The following PKIG variants were observed in gnomAD, a reference collection of about 807,000 sequenced individuals.
PKIG encodes the protein cAMP-dependent protein kinase inhibitor gamma, also known as protein kinase (cAMP-dependent, catalytic) inhibitor gamma.
PKIG carries 1 observed loss-of-function variant against 6.8 expected under a neutral mutation model. The ratio of observed to expected loss-of-function variants is 0.15; its 90% confidence interval spans 0.05 to 0.69. The LOEUF (loss-of-function observed/expected upper bound fraction) is 0.69, where lower values mean the gene tolerates loss of function less well. Among genes scored for constraint, PKIG ranks in the 30% least tolerant of loss-of-function variants. The pLI is 0.82. For synonymous variants in PKIG, 39 were observed against 43.0 expected (o/e 0.91, Z 0.36); for missense variants, 77 against 104.0 (o/e 0.74, Z 1.13).
At chr20:44,586,512 A>G (rs2123365068) in intron 1 of PKIG, among the ~76,000 whole-genome samples, 1 of 152,230 alleles carries the variant, frequency 6.6e-6, no homozygotes, top group East Asian at 1.9e-4. Context: ...TGCTGAGGCC[A>G]AAAGCAGAAG....
intron 1 of PKIG, among the ~76,000 whole-genome samples, chr20:44,569,493 G>T (rs534625626): frequency 1.3e-5 from 2 of 152,086 alleles, no homozygotes; most frequent in South Asian, 4.1e-4. Flanking sequence ...TTCTGAAAGC[G>T]GTTTGTTTTT....
At chr20:44,604,675 G>A (rs1451690690) in intron 2 of PKIG, among the ~76,000 whole-genome samples, 6 of 152,126 alleles carry the variant, frequency 3.9e-5, no homozygotes, top group African/African-American at 1.4e-4. Context: ...TGTGTGGAAG[G>A]CACTTACCTT....
At chr20:44,555,327 C>G (rs2064703835) in intron 1 of PKIG, among the ~76,000 whole-genome samples, 1 of 152,184 alleles carries the variant, frequency 6.6e-6, no homozygotes, top group Admixed American at 6.5e-5. Flanking sequence ...AGTGTACTGT[C>G]AAAACACTGA....
chr20:44,544,925 C>CTTTTTTTTTTTTTTTTTTTTTTTTTTTT (rs796482642), intron 1 of PKIG, among the ~76,000 whole-genome samples: 3 of 64,388 alleles, frequency 4.7e-5, no homozygotes, highest in Admixed American at 1.8e-4. Context: ...TTCCTTCTTT[C>CTTTTTTTTTTTTTTTTTTTTTTTTTTTT]TTTTTTTTTT....
intron 2 of PKIG, among the ~76,000 whole-genome samples, chr20:44,606,037 A>G (rs950316191): frequency 6.6e-6 from 1 of 152,366 alleles, no homozygotes; most frequent in Middle Eastern, 3.4e-3. Context: ...ACTAATGAAT[A>G]TAAAAATATG....
chr20:44,604,100 C>T (rs1237923628), intron 2 of PKIG, among the ~76,000 whole-genome samples: 1 of 152,024 alleles, frequency 6.6e-6, no homozygotes, highest in Non-Finnish European at 1.5e-5. Flanking sequence ...TTGTAGTAGA[C>T]TGGATAGAGA....
chr20:44,589,292 G>C (rs984341244), intron 1 of PKIG, among the ~76,000 whole-genome samples: 3 of 152,126 alleles, frequency 2.0e-5, no homozygotes, highest in African/African-American at 7.2e-5. Context: ...AGCTATGATT[G>C]CACCAGTACA....
At chr20:44,615,238 G>T (rs908943911) in intron 3 of PKIG, among the ~76,000 whole-genome samples, 9 of 152,008 alleles carry the variant, frequency 5.9e-5, no homozygotes, top group African/African-American at 2.2e-4. Context: ...AGTCTCACCC[G>T]GTGCCACTCC....
intron 2 of PKIG, among the ~76,000 whole-genome samples, chr20:44,604,427 G>T (rs2065146968): frequency 6.6e-6 from 1 of 152,222 alleles, no homozygotes; most frequent in African/African-American, 2.4e-5. Context: ...GAAATGAATG[G>T]AAGATGATGT....
chr20:44,607,049 A>G (rs997142872), intron 2 of PKIG, among the ~76,000 whole-genome samples: 22 of 152,242 alleles, frequency 1.4e-4, no homozygotes, highest in African/African-American at 5.3e-4. Context: ...ACTGAGAGAC[A>G]GGAACTAACT....
intron 1 of PKIG, among the ~76,000 whole-genome samples, chr20:44,535,418 A>G (rs2064503609): frequency 6.6e-6 from 1 of 152,236 alleles, no homozygotes; most frequent in South Asian, 2.1e-4. Context: ...AGGCGGGCAG[A>G]TTATCTGAGG....
chr20:44,532,964 T>G (rs1430622942), intron 1 of PKIG, among the ~76,000 whole-genome samples: 5 of 152,068 alleles, frequency 3.3e-5, no homozygotes, highest in African/African-American at 1.2e-4. Flanking sequence ...AAGCAGGTGC[T>G]CCTCCTGAAA....
At chr20:44,600,453 A>G (rs1041228030) in intron 2 of PKIG, among the ~76,000 whole-genome samples, 9 of 152,212 alleles carry the variant, frequency 5.9e-5, no homozygotes, top group African/African-American at 2.2e-4. Context: ...GACTCTGGTC[A>G]GGGTCTCTGC....
chr20:44,615,632 C>T (rs954349652), intron 3 of PKIG, among the ~76,000 whole-genome samples: 1 of 152,122 alleles, frequency 6.6e-6, no homozygotes, highest in South Asian at 2.1e-4. Flanking sequence ...GCTCTCACAG[C>T]GCCACAGAGG....
intron 1 of PKIG, among the ~76,000 whole-genome samples, chr20:44,568,752 A>T (rs1295794863): frequency 1.8e-4 from 28 of 152,088 alleles, no homozygotes; most frequent in Non-Finnish European, 8.8e-5. Context: ...CCTGGCTCTT[A>T]TGTGACTATT....
intron 1 of PKIG, among the ~76,000 whole-genome samples, chr20:44,589,261 C>A (rs1241441394): frequency 6.6e-6 from 1 of 151,932 alleles, no homozygotes; most frequent in Non-Finnish European, 1.5e-5. Flanking sequence ...TGCTTGAGGC[C>A]AGGAGTTTGA....
intron 1 of PKIG, among the ~76,000 whole-genome samples, chr20:44,545,750 A>G (rs2064607874): frequency 6.6e-6 from 1 of 152,068 alleles, no homozygotes; most frequent in Admixed American, 6.6e-5. Context: ...AGGAGTTTGA[A>G]GTTACAGTGA....
intron 1 of PKIG, among the ~76,000 whole-genome samples, chr20:44,558,761 T>C: frequency 6.6e-6 from 1 of 151,614 alleles, no homozygotes; most frequent in East Asian, 1.9e-4. Context: ...TCATTTTCTT[T>C]CTTTCTTTCT....
rs1600847003 is a variant in PKIG at position 44,553,719 on chromosome 20, G to A, written c.-241+21741G>A. On this transcript the variant is annotated intron_variant, in intron 1 of 4. Coordinates refer to the PKIG transcript ENST00000372887. ...CCTTATACTCTAATGCTCGTTTATAGTAAATGCTAAGGGAACAGAGAGATG... is the reference window on the plus strand; with the variant it reads ...CCTTATACTCTAATGCTCGTTTATAATAAATGCTAAGGGAACAGAGAGATG... Among the ~76,000 whole-genome samples the A allele has an allele frequency of 2.0e-5, 3 of 152,276 alleles. No individual in the cohort carries two copies. The South Asian group carries it at 6.2e-4, about 32-fold the overall frequency.
Sources: gnomAD v4.1 joint callset for allele counts (sites outside exome capture counted in the v4.1 genomes callset) on GRCh38, gnomAD v4.1.1 for gene constraint, MANE v1.5 for transcripts, NCBI Gene and HGNC (gene_info 2026-07-23, HGNC 2026-07-21) for gene names.